LEPR: variants seen among roughly 807,000 people sequenced by gnomAD.
LEPR encodes the protein leptin receptor, also known as OB receptor.
A neutral mutation model predicts 114.7 loss-of-function variants in LEPR; 56 were observed. That is an observed-to-expected ratio of 0.49 (90% CI 0.39 to 0.61). The LOEUF is 0.61. LEPR is among the 20% of genes least tolerant of loss of function. LEPR has a pLI of 0.00. For synonymous variants in LEPR, 443 were observed against 461.4 expected, an observed-to-expected ratio of 0.96 and a Z score of 0.51; for missense variants, 1,202 against 1,352.9, an observed-to-expected ratio of 0.89 and a Z score of 1.75.
rs545438918 is a variant in LEPR at position 65,571,000 on chromosome 1, G to T, written c.370+198G>T. Among the ~76,000 whole-genome samples, 13 of 151,974 alleles carry T rather than the reference G, an allele frequency of 8.6e-5. 1 individual carries two copies. In the South Asian group the frequency reaches 2.7e-3, roughly 32 times the overall value. On this transcript the variant is annotated intron_variant, in intron 4 of 19. Transcript: ENST00000349533. ...TGTATCCCATAAAAATATAATGAGG[G>T]AATTATTTTACTTTTAAGTACATTC... is the stretch of plus-strand genomic sequence containing the variant.
chr1:65,450,575 T>C (rs1423748806), intron 2 of LEPR, among the ~76,000 whole-genome samples: 1 of 138,784 alleles, frequency 7.2e-6, no homozygotes, highest in African/African-American at 2.8e-5. Context: ...TGATTTCCAA[T>C]TTCATCCATG....
intron 2 of LEPR, among the ~76,000 whole-genome samples, chr1:65,556,990 T>C (rs1652857208): frequency 1.3e-5 from 2 of 152,156 alleles, no homozygotes; most frequent in Admixed American, 1.3e-4. Flanking sequence ...GATAACTGAC[T>C]GAACTGGGGA....
chr1:65,463,957 A>G (rs752243285), intron 2 of LEPR, among the ~76,000 whole-genome samples: 1 of 152,208 alleles, frequency 6.6e-6, no homozygotes, highest in Non-Finnish European at 1.5e-5. Context: ...ATATACAATC[A>G]TGTCATCTGC....
At chr1:65,461,394 G>T (rs1570494318) in intron 2 of LEPR, among the ~76,000 whole-genome samples, 1 of 152,148 alleles carries the variant, frequency 6.6e-6, no homozygotes, top group African/African-American at 2.4e-5. Context: ...CAGGGCATAA[G>T]GAAGTGTTCA....
At chr1:65,444,981 C>G (rs570476840) in intron 2 of LEPR, among the ~76,000 whole-genome samples, 1 of 152,126 alleles carries the variant, frequency 6.6e-6, no homozygotes, top group Non-Finnish European at 1.5e-5. Context: ...TTTTTGACTT[C>G]AAGGGCAGCG....
rs569662830 is a variant in LEPR at position 65,601,995 on chromosome 1, G to A, written c.1403+35G>A. Reference sequence around the variant, plus strand: ...ATTTTTGCTGTTTTGTTTTTCTGTGGGCACAGTGAGATAAAAATTTTCTTT... The same window carrying A: ...ATTTTTGCTGTTTTGTTTTTCTGTGAGCACAGTGAGATAAAAATTTTCTTT... On this transcript the variant is annotated intron_variant, in intron 10 of 19. Transcript: ENST00000349533. The A allele has an allele frequency of 9.1e-6, 14 of 1,544,676 alleles. No individual in the cohort carries two copies. In the South Asian group the frequency reaches 1.6e-4, roughly 17 times the overall value.
chr1:65,467,740 G>T (rs1387853508), intron 2 of LEPR, among the ~76,000 whole-genome samples: 1 of 152,180 alleles, frequency 6.6e-6, no homozygotes, highest in Non-Finnish European at 1.5e-5. Flanking sequence ...GCTACTCAAG[G>T]CTCAGCAATG....
chr1:65,519,859 T>G (rs2100578630), intron 2 of LEPR, among the ~76,000 whole-genome samples: 1 of 151,932 alleles, frequency 6.6e-6, no homozygotes, highest in East Asian at 2.0e-4. Flanking sequence ...ATGTTTTTTT[T>G]GTTTTGTTTT....
chr1:65,615,938 G>A (rs1657498369), intron 14 of LEPR, 70 bp from the exon 15 acceptor site: 1 of 1,593,084 alleles, frequency 6.3e-7, no homozygotes, highest in African/African-American at 1.3e-5. Context: ...TAGAATGAGA[G>A]TTATGTGAGC....
chr1:65,618,158 A>T lies in LEPR; in HGVS notation c.2395+12A>T. On this transcript the variant is annotated intron_variant, in intron 16 of 19. Coordinates refer to ENST00000349533, the MANE Select transcript of LEPR (RefSeq NM_002303.6). ...GTATTATATCCATGGTAAGTTTACTATACTTTAGTAAGTTGCTCTCATGGA... is the reference window on the plus strand; with the variant it reads ...GTATTATATCCATGGTAAGTTTACTTTACTTTAGTAAGTTGCTCTCATGGA... 6.3e-7 allele frequency: 1 copy of T among 1,595,830 alleles called. No homozygotes were observed. The highest frequency in any genetic ancestry group is 8.6e-7 in the Non-Finnish European group (1 of 1,169,330).
chr1:65,428,543 T>A (rs1646424076), intron 2 of LEPR, among the ~76,000 whole-genome samples: 1 of 152,160 alleles, frequency 6.6e-6, no homozygotes, highest in African/African-American at 2.4e-5. Context: ...CCATCCTGAG[T>A]CCTCTTGAAG....
rs1304393966 is a variant in LEPR, at chr1:65,638,783, G to T, written c.*1768G>T. The stretch of plus-strand genomic sequence containing the variant: ...ACTAATGACCCCCTTACAAGAAATA[G>T]GTAAAGGGCTGATAGCAACTCATTA... On this transcript the variant is annotated 3_prime_UTR_variant, in exon 20 of 20. Coordinates refer to ENST00000349533, the MANE Select transcript of LEPR (RefSeq NM_002303.6). 1 of 152,134 alleles carries T rather than the reference G, an allele frequency of 6.6e-6. No individual in the cohort carries two copies. The highest frequency in any genetic ancestry group is 2.4e-5 in the African/African-American group (1 of 41,432). The allele number at this position is 152,134 out of a possible 1,614,324, so 9.4% of individuals were successfully genotyped here. A position where few individuals can be genotyped will look rare whatever the true frequency, so the allele number is the denominator to read the frequency against.
At chr1:65,624,574 C>T (rs1248557786) in intron 19 of LEPR, among the ~76,000 whole-genome samples, 4 of 151,960 alleles carry the variant, frequency 2.6e-5, no homozygotes, top group African/African-American at 7.2e-5. Flanking sequence ...TGTATAAATA[C>T]GTTTTACCTT....
chr1:65,560,500 G>T (rs1251061272), intron 2 of LEPR, among the ~76,000 whole-genome samples: 1 of 64,770 alleles, frequency 1.5e-5, no homozygotes, highest in African/African-American at 7.0e-5. Context: ...TCTGCAAACA[G>T]GGACAATTTG....
chr1:65,543,880 T>C (rs886537856), intron 2 of LEPR, among the ~76,000 whole-genome samples: 1 of 151,974 alleles, frequency 6.6e-6, no homozygotes, highest in African/African-American at 2.4e-5. Flanking sequence ...CCTTGTAGTA[T>C]AGTTTGAAGT....
intron 14 of LEPR, 32 bp downstream of exon 14, chr1:65,610,328 G>A (rs768740739): frequency 5.2e-6 from 8 of 1,540,848 alleles, no homozygotes; most frequent in East Asian, 2.4e-5. Context: ...ATCTTAAATT[G>A]TATTTTTATA....
intron 2 of LEPR, among the ~76,000 whole-genome samples, chr1:65,524,378 C>T (rs561495952): frequency 6.6e-6 from 1 of 152,094 alleles, no homozygotes; most frequent in Non-Finnish European, 1.5e-5. Flanking sequence ...GTGCTGAAAG[C>T]CCATTTAGTA....
At chr1:65,507,653 A>C (rs1440205241) in intron 2 of LEPR, among the ~76,000 whole-genome samples, 1 of 151,778 alleles carries the variant, frequency 6.6e-6, no homozygotes, top group Non-Finnish European at 1.5e-5. Flanking sequence ...TGAGCATAGG[A>C]GTGCAGACAT....
intron 2 of LEPR, among the ~76,000 whole-genome samples, chr1:65,475,357 C>A (rs1647145093): frequency 6.6e-6 from 1 of 152,194 alleles, no homozygotes; most frequent in African/African-American, 2.4e-5. Flanking sequence ...ATGTAAGGAG[C>A]TTTCCCATCT....
Sources: gnomAD v4.1 joint callset for allele counts (sites outside exome capture counted in the v4.1 genomes callset) on GRCh38, gnomAD v4.1.1 for gene constraint, MANE v1.5 for transcripts, NCBI Gene and HGNC (gene_info 2026-07-23, HGNC 2026-07-21) for gene names.